SP100: variants seen among roughly 807,000 people sequenced by gnomAD.
The protein encoded by SP100 is SP100 nuclear body protein.
Under a neutral mutation model 130.0 loss-of-function variants are expected in SP100, and 84 were observed. The observed-to-expected ratio is 0.65, with a 90% CI of 0.54 to 0.77. The LOEUF is 0.77. Ranked by LOEUF, SP100 falls within the 30% of genes least tolerant of loss-of-function variation. The pLI, the probability that SP100 is intolerant of heterozygous loss-of-function variation, is 0.00. For missense variants in SP100, 978 were observed against 1,052.2 expected, an observed-to-expected ratio of 0.93 and a Z score of 0.97; for synonymous variants, 331 against 351.7, an observed-to-expected ratio of 0.94 and a Z score of 0.66.
chr2:230,446,300 G>A (rs950346941), intron 4 of SP100, among the ~76,000 whole-genome samples: 12 of 152,094 alleles, frequency 7.9e-5, no homozygotes, highest in African/African-American at 2.4e-4. Context: ...TCAAAGATGA[G>A]GTCCAGCTAT....
At chr2:230,536,658 T>A (rs972886815) in intron 24 of SP100, among the ~76,000 whole-genome samples, 1 of 152,166 alleles carries the variant, frequency 6.6e-6, no homozygotes, top group African/African-American at 2.4e-5. Context: ...TATAGATACA[T>A]TTCTGCTATA....
intron 28 of SP100, 149 bp from the exon 29 acceptor site, chr2:230,542,687 T>G: frequency 2.0e-6 from 1 of 493,550 alleles, no homozygotes; most frequent in South Asian, 3.6e-5. Flanking sequence ...GATAAATAAT[T>G]AAATTATCAA....
At position 230,466,184 on chromosome 2, in the gene SP100, C is replaced by CAAAAAAAAA. The variant is rs57983447; in HGVS notation, c.1142-106_1142-98dup. The CAAAAAAAAA allele has an allele frequency of 6.3e-3, 1,632 of 257,618 alleles. 32 individuals are homozygous for CAAAAAAAAA. The highest frequency in any genetic ancestry group is 0.011 in the South Asian group (252 of 22,428). The allele number at this position is 257,618 out of a possible 1,614,324, so 16.0% of individuals were successfully genotyped here. Reference sequence around the variant, plus strand: ...TGGGTGATAGAACAAGACTCCATCTCAAAAAAAAAAAAAAAAAAACTTTGT... The same window carrying CAAAAAAAAA: ...TGGGTGATAGAACAAGACTCCATCTCAAAAAAAAAAAAAAAAAAAAAAAAAAAACTTTGT... On this transcript the variant is annotated intron_variant, in intron 11 of 28. Coordinates refer to ENST00000340126, the MANE Select transcript of SP100 (RefSeq NM_001080391.2).
At chr2:230,503,549 T>C (rs1200489603) in intron 20 of SP100, among the ~76,000 whole-genome samples, 2 of 152,194 alleles carry the variant, frequency 1.3e-5, no homozygotes, top group Admixed American at 6.5e-5. Context: ...ATCACCCTAT[T>C]GATCTATTGA....
chr2:230,478,588 G>A (rs2065680127), intron 17 of SP100, among the ~76,000 whole-genome samples: 1 of 152,148 alleles, frequency 6.6e-6, no homozygotes, highest in Non-Finnish European at 1.5e-5. Context: ...TGTTAGTCTT[G>A]TGGTGCAGAA....
intron 2 of SP100, among the ~76,000 whole-genome samples, chr2:230,438,931 G>C (rs1261171965): frequency 1.3e-5 from 2 of 152,078 alleles, no homozygotes; most frequent in Non-Finnish European, 2.9e-5. Context: ...TCTTTATACT[G>C]TTTTCCACAG....
At chr2:230,511,461 G>A (rs1690580907) in intron 24 of SP100, among the ~76,000 whole-genome samples, 1 of 152,174 alleles carries the variant, frequency 6.6e-6, no homozygotes, top group African/African-American at 2.4e-5. Context: ...AGTAGTAATG[G>A]ACAGGGCTGG....
At chr2:230,518,474 G>A (rs965061726) in intron 24 of SP100, among the ~76,000 whole-genome samples, 4 of 151,710 alleles carry the variant, frequency 2.6e-5, no homozygotes, top group African/African-American at 9.7e-5. Context: ...TCTTACAAAT[G>A]AGAACTCTTT....
chr2:230,480,662 G>A (rs2065789448), intron 17 of SP100, among the ~76,000 whole-genome samples: 1 of 152,106 alleles, frequency 6.6e-6, no homozygotes, highest in African/African-American at 2.4e-5. Flanking sequence ...TGGAAGGGGA[G>A]GCAAATCTCC....
intron 23 of SP100, chr2:230,509,731 T>C (rs1392793854): frequency 6.6e-6 from 1 of 152,218 alleles, no homozygotes; most frequent in African/African-American, 2.4e-5. Context: ...TTCCTGCTTA[T>C]AAGTTTTTTG....
At chr2:230,448,287 A>G (rs1481476060) in intron 5 of SP100, among the ~76,000 whole-genome samples, 2 of 152,198 alleles carry the variant, frequency 1.3e-5, no homozygotes, top group African/African-American at 2.4e-5. Flanking sequence ...AACCGTGAAA[A>G]GGGGTAAAAG....
chr2:230,495,459 A>G (rs1203728666), intron 18 of SP100, among the ~76,000 whole-genome samples: 1 of 152,168 alleles, frequency 6.6e-6, no homozygotes, highest in Non-Finnish European at 1.5e-5. Flanking sequence ...AGCTGGGATT[A>G]CAGGCGCATA....
At chr2:230,514,246 A>T (rs1324199832) in intron 24 of SP100, among the ~76,000 whole-genome samples, 1 of 152,234 alleles carries the variant, frequency 6.6e-6, no homozygotes, top group African/African-American at 2.4e-5. Flanking sequence ...TCATAATTTT[A>T]CTTTTCTTGG....
intron 23 of SP100, chr2:230,509,425 C>T (rs1247358098): frequency 6.6e-6 from 1 of 152,164 alleles, no homozygotes; most frequent in African/African-American, 2.4e-5. Context: ...GCTCTGTATC[C>T]ACTGGGTTTT....
intron 23 of SP100, chr2:230,509,920 G>A (rs996151441): frequency 2.0e-5 from 3 of 152,308 alleles, no homozygotes; most frequent in African/African-American, 7.2e-5. Context: ...TCCAGGTGAT[G>A]GGCTTGGCCA....
chr2:230,535,419 A>G (rs1053869687), intron 24 of SP100, among the ~76,000 whole-genome samples: 9 of 152,192 alleles, frequency 5.9e-5, no homozygotes, highest in Non-Finnish European at 1.2e-4. Flanking sequence ...CACTGAACAA[A>G]TGGAGGCCAG....
Position 230,508,102 on chromosome 2 carries a change from C to T in SP100, c.2052+71C>T. The T allele has an allele frequency of 3.1e-6, 5 of 1,588,576 alleles. 1 individual carries two copies. The South Asian group carries it at 3.5e-5, about 11-fold the overall frequency. ...TTGATTTTCTATCTCTGTGGACTTA[C>T]AGTCTTTAAATTGACCCATCATCAT... On this transcript the variant is annotated intron_variant, in intron 23 of 28. Transcript: ENST00000340126.
chr2:230,503,686 C>T (rs1037555875), intron 20 of SP100, among the ~76,000 whole-genome samples: 6 of 152,116 alleles, frequency 3.9e-5, no homozygotes, highest in South Asian at 2.1e-4. Context: ...CTTTTAGCGT[C>T]GGAGAAAGCT....
At chr2:230,442,637 A>T (rs2063515764) in intron 2 of SP100, among the ~76,000 whole-genome samples, 1 of 151,986 alleles carries the variant, frequency 6.6e-6, no homozygotes, top group Non-Finnish European at 1.5e-5. Context: ...ATTCTGTAGG[A>T]ATTTAATTTT....
Sources: gnomAD v4.1 joint callset for allele counts (sites outside exome capture counted in the v4.1 genomes callset) on GRCh38, gnomAD v4.1.1 for gene constraint, MANE v1.5 for transcripts, NCBI Gene and HGNC (gene_info 2026-07-23, HGNC 2026-07-21) for gene names.